DIP2C: variants seen among roughly 807,000 people sequenced by gnomAD.
DIP2C encodes the protein disco-interacting protein 2 homolog C.
A neutral mutation model predicts 192.4 loss-of-function variants in DIP2C; 33 were observed. The ratio of observed to expected loss-of-function variants is 0.17; its 90% CI spans 0.13 to 0.23. The LOEUF is 0.23. Among genes scored for constraint, DIP2C ranks in the 10% least tolerant of loss-of-function variants. DIP2C has a pLI of 1.00. For synonymous variants in DIP2C, 979 were observed against 864.1 expected (o/e 1.13, Z -2.33); for missense variants, 1,537 against 2,110.1 (o/e 0.73, Z 5.32).
rs557255878 is a variant in DIP2C at position 424,355 on chromosome 10, GTTTT to G, written c.395-1326_395-1323del. Among the ~76,000 whole-genome samples the G allele has an allele frequency of 3.1e-4, 26 of 83,120 alleles. No individual in the cohort carries two copies. The South Asian group carries it at 5.8e-3, about 19-fold the overall frequency. 54.5% of individuals were successfully genotyped at this position (83,120 alleles called of 152,430 possible). On this transcript the variant is annotated intron_variant, in intron 4 of 36. Coordinates refer to ENST00000280886, the MANE Select transcript of DIP2C (RefSeq NM_014974.3). ...GCCTGAAAATTCTCTATCACCTTGG[GTTTT>G]TTTTTTTTTTTTTTTTTTTTTTTTG...
intron 1 of DIP2C, among the ~76,000 whole-genome samples, chr10:614,632 C>A (rs981502390): frequency 6.6e-6 from 1 of 152,236 alleles, no homozygotes; most frequent in Non-Finnish European, 1.5e-5. Context: ...TGCTGAGCCC[C>A]GAAACATGGC....
chr10:305,712 A>C (rs1956284567), intron 32 of DIP2C, among the ~76,000 whole-genome samples: 1 of 152,120 alleles, frequency 6.6e-6, no homozygotes, highest in African/African-American at 2.4e-5. Context: ...CGGTGTGATC[A>C]TGGCTTACTG....
At chr10:528,868 TCTC>T (rs1463605945) in intron 1 of DIP2C, among the ~76,000 whole-genome samples, 3 of 152,078 alleles carry the variant, frequency 2.0e-5, no homozygotes, top group Admixed American at 6.5e-5. Context: ...ACTCAGCAGC[TCTC>T]CTCTCACTGT....
chr10:576,900 A>G (rs1369490145), intron 1 of DIP2C, among the ~76,000 whole-genome samples: 1 of 152,054 alleles, frequency 6.6e-6, no homozygotes, highest in Non-Finnish European at 1.5e-5. Flanking sequence ...CCTGGGTGAC[A>G]GAGCAAGATT....
chr10:573,415 G>A (rs990056050), intron 1 of DIP2C, among the ~76,000 whole-genome samples: 6 of 152,184 alleles, frequency 3.9e-5, no homozygotes, highest in Non-Finnish European at 8.8e-5. Context: ...TGTTATTATC[G>A]TTGCTGTTTT....
intron 1 of DIP2C, among the ~76,000 whole-genome samples, chr10:489,621 G>C (rs148818301): frequency 6.6e-6 from 1 of 151,748 alleles, no homozygotes; most frequent in African/African-American, 2.4e-5. Flanking sequence ...ACAGAGCCTG[G>C]TGCTTCCTCC....
chr10:475,447 C>A (rs1970982797), intron 2 of DIP2C, among the ~76,000 whole-genome samples: 1 of 152,194 alleles, frequency 6.6e-6, no homozygotes, highest in Admixed American at 6.5e-5. Context: ...CCACACCTAT[C>A]TGGTCCACTC....
intron 33 of DIP2C, among the ~76,000 whole-genome samples, chr10:286,853 G>A (rs3125029): frequency 0.99 from 150,655 of 152,320 alleles, 74,525 homozygotes; most frequent in Middle Eastern, 1. Flanking sequence ...ACATAGTGAC[G>A]TTTTCAGGGG....
chr10:578,257 A>G (rs1320558684), intron 1 of DIP2C, among the ~76,000 whole-genome samples: 1 of 152,206 alleles, frequency 6.6e-6, no homozygotes, highest in Non-Finnish European at 1.5e-5. Context: ...TATATTCACA[A>G]CACTAGGAGG....
At position 276,234 on chromosome 10, in the gene DIP2C, A is replaced by G. The variant is rs1954509660; in HGVS notation, c.*1091T>C. 6.5e-6 allele frequency: 1 copy of G among 152,682 alleles called. No individual in the cohort carries two copies. The highest frequency in any genetic ancestry group is 1.5e-5 in the Non-Finnish European group (1 of 68,048). The allele number at this position is 152,682 out of a possible 1,614,324, so 9.5% of individuals were successfully genotyped here. A position where few individuals can be genotyped will look rare whatever the true frequency, so the allele number is the denominator to read the frequency against. ...CACTGTTGTCCCACAGCAAAGAAAA[A>G]AATAGTGCACATTGAGCTTTGAATT... On this transcript the variant is annotated 3_prime_UTR_variant, in exon 37 of 37. Coordinates refer to ENST00000280886, the MANE Select transcript of DIP2C (RefSeq NM_014974.3).
chr10:438,906 C>G (rs1967491075), intron 4 of DIP2C, among the ~76,000 whole-genome samples: 1 of 152,036 alleles, frequency 6.6e-6, no homozygotes, highest in South Asian at 2.1e-4. Context: ...ACGGCAACCT[C>G]TGCCTCCCAG....
chr10:561,444 C>A (rs894637430), intron 1 of DIP2C, among the ~76,000 whole-genome samples: 5 of 152,198 alleles, frequency 3.3e-5, no homozygotes, highest in Non-Finnish European at 7.3e-5. Context: ...CCTCCAGGGC[C>A]TCTCATTTGA....
chr10:399,481 A>ACACGTT (rs1443396048), intron 9 of DIP2C, among the ~76,000 whole-genome samples: 5 of 152,110 alleles, frequency 3.3e-5, no homozygotes, highest in Admixed American at 3.3e-4. Context: ...TTCCATACCC[A>ACACGTT]CACGTTTCCA....
chr10:549,303 T>C (rs1848468885), intron 1 of DIP2C, among the ~76,000 whole-genome samples: 1 of 152,158 alleles, frequency 6.6e-6, no homozygotes, highest in African/African-American at 2.4e-5. Context: ...AAGTAAGCTA[T>C]GTCTCAATTA....
chr10:334,320 A>AAAAAG (rs1957649865), intron 29 of DIP2C, among the ~76,000 whole-genome samples: 1 of 151,318 alleles, frequency 6.6e-6, no homozygotes, highest in African/African-American at 2.4e-5. Context: ...AAAAAAAAAA[A>AAAAAG]AAAAAGAAAA....
chr10:286,318 G>A lies in DIP2C; in HGVS notation c.4074C>T (p.Ala1358=), dbSNP rs1955126447. Residue 1358 remains alanine, a synonymous_variant, in exon 34 of 37, where the codon GCC becomes GCT. Transcript: ENST00000280886. ...KILPGVRIII[A]NPETKGPLGD... ...CCAGCGGTCCTTTTGTTTCTGGGTTGGCAATTATAATCCGAACCCCTGGAA... is the reference window on the plus strand; with the variant it reads ...CCAGCGGTCCTTTTGTTTCTGGGTTAGCAATTATAATCCGAACCCCTGGAA... The A allele has an allele frequency of 6.2e-7, 1 of 1,614,138 alleles. No individual in the cohort carries two copies.
intron 1 of DIP2C, among the ~76,000 whole-genome samples, chr10:542,138 C>T (rs1046158768): frequency 1.1e-4 from 17 of 152,226 alleles, no homozygotes; most frequent in African/African-American, 3.9e-4. Context: ...CCACATCCCA[C>T]TTGCCTGCTG....
At chr10:622,786 G>A (rs550665181) in intron 1 of DIP2C, among the ~76,000 whole-genome samples, 2 of 152,252 alleles carry the variant, frequency 1.3e-5, no homozygotes, top group Non-Finnish European at 2.9e-5. Flanking sequence ...CTCCAGGTGG[G>A]AATGTTAAGC....
chr10:421,368 C>T (rs957905311), intron 5 of DIP2C, among the ~76,000 whole-genome samples: 4 of 152,200 alleles, frequency 2.6e-5, no homozygotes, highest in Non-Finnish European at 5.9e-5. Flanking sequence ...TAAGATTCTG[C>T]CCATTTCCTT....
Sources: gnomAD v4.1 joint callset for allele counts (sites outside exome capture counted in the v4.1 genomes callset) on GRCh38, gnomAD v4.1.1 for gene constraint, MANE v1.5 for transcripts, NCBI Gene and HGNC (gene_info 2026-07-23, HGNC 2026-07-21) for gene names.